The following COL22A1 variants were observed in gnomAD, a reference collection of about 807,000 sequenced individuals.
COL22A1 encodes collagen type XXII alpha 1 chain.
In COL22A1, 221 loss-of-function variants were observed where a neutral mutation model predicts 248.9. That is an observed-to-expected ratio of 0.89 (90% CI 0.80 to 0.99). COL22A1 has a LOEUF of 0.99. Among genes scored for constraint, COL22A1 ranks in the 50% least tolerant of loss-of-function variants. The pLI, the probability that COL22A1 is intolerant of heterozygous loss-of-function variation, is 0.00. For synonymous variants in COL22A1, 891 were observed against 793.4 expected (o/e 1.12, Z -2.07); for missense variants, 2,240 against 2,179.0 (o/e 1.03, Z -0.56).
chr8:138,687,666 A>C (rs1037124435), intron 37 of COL22A1, among the ~76,000 whole-genome samples: 1 of 152,206 alleles, frequency 6.6e-6, no homozygotes, highest in Non-Finnish European at 1.5e-5. Context: ...TCCTTTGCAC[A>C]TGACTCCCCA....
intron 13 of COL22A1, 149 bp downstream of exon 13, chr8:138,780,778 C>T: frequency 1.4e-6 from 1 of 717,216 alleles, no homozygotes; most frequent in Admixed American, 2.1e-5. Flanking sequence ...AGGCTGAGCT[C>T]CTGGTATCTG....
chr8:138,672,826 C>G (rs191953103), intron 41 of COL22A1, among the ~76,000 whole-genome samples: 22 of 152,242 alleles, frequency 1.4e-4, no homozygotes, highest in Non-Finnish European at 2.8e-4. Context: ...ACTGAGGGCC[C>G]GAGTAGGAAG....
At chr8:138,755,919 A>C in intron 18 of COL22A1, 90 bp from the exon 19 acceptor site, 14 of 1,058,486 alleles carry the variant, frequency 1.3e-5, no homozygotes, top group Non-Finnish European at 2.0e-5. Flanking sequence ...TTGTGGGCCC[A>C]GGGGACCACA....
At chr8:138,655,143 T>C (rs1422802095) in intron 45 of COL22A1, among the ~76,000 whole-genome samples, 1 of 152,226 alleles carries the variant, frequency 6.6e-6, no homozygotes, top group African/African-American at 2.4e-5. Context: ...CTCAGGCTTC[T>C]TATATGCTGA....
intron 45 of COL22A1, among the ~76,000 whole-genome samples, chr8:138,652,516 G>A (rs1822832425): frequency 1.3e-5 from 2 of 152,076 alleles, no homozygotes. Flanking sequence ...GGCTTTCTGA[G>A]TTATCTCAGG....
chr8:138,687,720 C>T lies in COL22A1; in HGVS notation c.2862+1197G>A, dbSNP rs544937119. Among the ~76,000 whole-genome samples the T allele has an allele frequency of 5.3e-5, 8 of 152,324 alleles. No homozygotes were observed. In the East Asian group the frequency reaches 7.7e-4, roughly 15 times the overall value. Reference sequence around the variant, plus strand: ...ACAACCTATGATCAATGCGGCATCACCCTCATTTTACAGATGAGAAAATCC... The same window carrying T: ...ACAACCTATGATCAATGCGGCATCATCCTCATTTTACAGATGAGAAAATCC... On this transcript the variant is annotated intron_variant, in intron 37 of 64. Transcript: ENST00000303045.
chr8:138,869,182 G>A (rs569184575), intron 3 of COL22A1, among the ~76,000 whole-genome samples: 1 of 152,306 alleles, frequency 6.6e-6, no homozygotes, highest in East Asian at 1.9e-4. Context: ...ACCACTGATG[G>A]AGCTACTTTG....
At chr8:138,836,695 G>C (rs1207751314) in intron 4 of COL22A1, among the ~76,000 whole-genome samples, 1 of 152,168 alleles carries the variant, frequency 6.6e-6, no homozygotes, top group Non-Finnish European at 1.5e-5. Flanking sequence ...GGTACAATTT[G>C]ATCATCTTTT....
intron 41 of COL22A1, among the ~76,000 whole-genome samples, chr8:138,676,069 G>A (rs1825480450): frequency 6.6e-6 from 1 of 152,018 alleles, no homozygotes; most frequent in African/African-American, 2.4e-5. Flanking sequence ...ATCACCCCTA[G>A]TGAGTTTGTA....
In COL22A1 at chr8:138,596,946, G is replaced by A. The variant is rs777975149; in HGVS notation, c.4390C>T (p.Leu1464=). 6.2e-7 allele frequency: 1 copy of A among 1,614,014 alleles called. No homozygotes were observed. Among genetic ancestry groups the A allele is most frequent in the African/African-American group, 1.3e-5 (1 of 75,030 alleles). The change falls in exon 62 of 65, where the codon CTG becomes TTG. Residue 1464 remains leucine (L), a synonymous_variant. Transcript: ENST00000303045. Reference sequence around the variant, plus strand: ...AGCTCTTCTTGAATAAGCCGACGCAGGGTTTCCATGGATGGAGACTCCCCC... The same window carrying A: ...AGCTCTTCTTGAATAAGCCGACGCAAGGTTTCCATGGATGGAGACTCCCCC... ...LRGESPSMET[L]RRLIQEELGK...
At chr8:138,784,839 C>A (rs1022478040) in intron 12 of COL22A1, among the ~76,000 whole-genome samples, 11 of 152,118 alleles carry the variant, frequency 7.2e-5, no homozygotes, top group Non-Finnish European at 1.5e-4. Flanking sequence ...ATCTAATCAG[C>A]TGATTAGATT....
intron 42 of COL22A1, among the ~76,000 whole-genome samples, chr8:138,663,180 C>A (rs1389484543): frequency 6.6e-6 from 1 of 152,192 alleles, no homozygotes; most frequent in Admixed American, 6.5e-5. Flanking sequence ...CGCATTTTCC[C>A]AGTAAATGCA....
At chr8:138,596,065 CAATA>C in intron 62 of COL22A1, among the ~76,000 whole-genome samples, 1 of 152,192 alleles carries the variant, frequency 6.6e-6, no homozygotes, top group East Asian at 1.9e-4. Context: ...ACAATTCTTA[CAATA>C]ATTACATGAG....
intron 1 of COL22A1, among the ~76,000 whole-genome samples, chr8:138,897,045 C>T (rs961084087): frequency 1.3e-5 from 2 of 152,176 alleles, no homozygotes; most frequent in East Asian, 1.9e-4. Flanking sequence ...CATAACCTTG[C>T]CAATCACTGT....
At chr8:138,696,589 T>C (rs929142579) in intron 32 of COL22A1, among the ~76,000 whole-genome samples, 4 of 151,024 alleles carry the variant, frequency 2.6e-5, no homozygotes, top group Admixed American at 6.6e-5. Context: ...TGCCCTCCCT[T>C]CCCAAGCCTC....
chr8:138,619,385 C>G, intron 53 of COL22A1, 70 bp downstream of exon 53: 1 of 1,446,880 alleles, frequency 6.9e-7, no homozygotes. Context: ...GCTAGCCCTG[C>G]TCACAGTGGT....
chr8:138,670,251 A>T (rs1824900254), intron 41 of COL22A1, among the ~76,000 whole-genome samples: 1 of 152,166 alleles, frequency 6.6e-6, no homozygotes, highest in African/African-American at 2.4e-5. Flanking sequence ...TTATACATGA[A>T]GCAATACAGG....
At chr8:138,595,683 C>A (rs1817482847) in intron 62 of COL22A1, among the ~76,000 whole-genome samples, 1 of 151,966 alleles carries the variant, frequency 6.6e-6, no homozygotes, top group Non-Finnish European at 1.5e-5. Flanking sequence ...CTGTGTTCCC[C>A]TGGACACTCC....
chr8:138,648,193 G>T (rs1024245739), intron 46 of COL22A1, among the ~76,000 whole-genome samples: 1 of 152,188 alleles, frequency 6.6e-6, no homozygotes, highest in Non-Finnish European at 1.5e-5. Flanking sequence ...ACTGGCCCCT[G>T]TTCCTTCCAG....
Sources: gnomAD v4.1 joint callset for allele counts (sites outside exome capture counted in the v4.1 genomes callset) on GRCh38, gnomAD v4.1.1 for gene constraint, MANE v1.5 for transcripts, NCBI Gene and HGNC (gene_info 2026-07-23, HGNC 2026-07-21) for gene names.